Variants in ATG4D observed in about 807,000 individuals in gnomAD.
The protein encoded by ATG4D is cysteine protease ATG4D.
In ATG4D, 51 loss-of-function variants were observed where a neutral mutation model predicts 55.2. The ratio of observed to expected loss-of-function variants is 0.92; its 90% CI spans 0.74 to 1.17. The LOEUF (loss-of-function observed/expected upper bound fraction) is 1.17. Ranked by LOEUF, ATG4D falls within the 50% of genes most tolerant of loss-of-function variation. The probability of loss-of-function intolerance (pLI) is 0.00; values close to 1 mark genes in which losing one functional copy is unlikely to be tolerated. For synonymous variants in ATG4D, 268 were observed against 266.2 expected, an observed-to-expected ratio of 1.01 and a Z score of -0.07; for missense variants, 635 against 649.6, an observed-to-expected ratio of 0.98 and a Z score of 0.25.
chr19:10,551,727 A>C (rs577553536), intron 6 of ATG4D, among the ~76,000 whole-genome samples, 170 bp from the exon 7 acceptor site: 1 of 150,462 alleles, frequency 6.6e-6, no homozygotes, highest in Non-Finnish European at 1.5e-5. Flanking sequence ...AAATTCATGT[A>C]ATCATCTTCC....
intron 5 of ATG4D, among the ~76,000 whole-genome samples, chr19:10,548,145 C>A (rs1916108555): frequency 6.7e-6 from 1 of 148,402 alleles, no homozygotes; most frequent in Non-Finnish European, 1.5e-5. Context: ...ATTCTCCTGC[C>A]TCAGCCTCCC....
In ATG4D at chr19:10,544,877, G is replaced by T. The variant is rs759250225; in HGVS notation, c.319+11G>T. The T allele has an allele frequency of 1.9e-6, 3 of 1,605,976 alleles. No homozygotes were observed. The highest frequency in any genetic ancestry group is 2.6e-6 in the Non-Finnish European group (3 of 1,175,404). ...GTTTCGAGGGCGAGGGTGAGCTGGT[G>T]GTTGGGACCAGGGCTGGGGGAGGCC... is the stretch of plus-strand genomic sequence containing the variant. On this transcript the variant is annotated intron_variant, in intron 2 of 9. Transcript: ENST00000309469.
rs780575515 is a variant in ATG4D at position 10,553,097 on chromosome 19, CTATT to C, written c.*36_*39del. 5.8e-5 allele frequency: 91 copies of C among 1,560,990 alleles called. No individual in the cohort carries two copies. In the Middle Eastern group the frequency reaches 1.2e-3, roughly 20 times the overall value. ...AGGGGATGAGGGGAAAGATACAACA[CTATT>C]TATTTTTTTATTTATGTCATGTCGG... is the stretch of plus-strand genomic sequence containing the variant. On this transcript the variant is annotated 3_prime_UTR_variant, in exon 10 of 10. Coordinates refer to ENST00000309469, the MANE Select transcript of ATG4D (RefSeq NM_032885.6).
Position 10,551,993 on chromosome 19 carries a change from T to G in ATG4D, c.1045+18T>G. The G allele has an allele frequency of 1.2e-5, 13 of 1,116,196 alleles. No individual in the cohort carries two copies. Among genetic ancestry groups the G allele is most frequent in the South Asian group, 3.2e-5 (2 of 63,214 alleles). 69.1% of individuals were successfully genotyped at this position (1,116,196 alleles called of 1,614,324 possible). Reference sequence around the variant, plus strand: ...CTACCAAGGTAGGCCCACCCCCTCCTCACTCCTCCCACCCCCCACCGCACC... The same window carrying G: ...CTACCAAGGTAGGCCCACCCCCTCCGCACTCCTCCCACCCCCCACCGCACC... On this transcript the variant is annotated intron_variant, in intron 7 of 9. Coordinates refer to ENST00000309469, the MANE Select transcript of ATG4D (RefSeq NM_032885.6).
At position 10,553,199 on chromosome 19, in the gene ATG4D, G is replaced by C. The variant is rs1916359568; in HGVS notation, c.*132G>C. On this transcript the variant is annotated 3_prime_UTR_variant, in exon 10 of 10. Transcript: ENST00000309469. ...AGCCCCTCAAGCCCAGCTGCAACCA[G>C]TCTGGGGCCATTCAGCCAGGGACAG... 12 of 1,154,488 alleles carry C rather than the reference G, an allele frequency of 1.0e-5. No individual in the cohort carries two copies. Among genetic ancestry groups the C allele is most frequent in the Non-Finnish European group, 1.4e-5 (12 of 841,048 alleles). 71.5% of individuals were successfully genotyped at this position (1,154,488 alleles called of 1,614,324 possible). A position where few individuals can be genotyped will look rare whatever the true frequency, so the allele number is the denominator to read the frequency against.
chr19:10,551,848 G>T, intron 6 of ATG4D, 49 bp from the exon 7 acceptor site: 1 of 1,591,094 alleles, frequency 6.3e-7, no homozygotes, highest in Non-Finnish European at 8.6e-7. Flanking sequence ...TTTGCCAAGC[G>T]TTTGTTGAGT....
Position 10,547,626 on chromosome 19 carries a change from GAAAA to G in ATG4D, c.835+392_835+395del, listed in dbSNP as rs778363094. On this transcript the variant is annotated intron_variant, in intron 5 of 9. Coordinates refer to ENST00000309469, the MANE Select transcript of ATG4D (RefSeq NM_032885.6). ...CTGGGCGACAGAGTAGGATCCTGTC[GAAAA>G]AAAAAAAAAAAAAAAAAAGAGGCCA... Among the ~76,000 whole-genome samples the G allele has an allele frequency of 1.8e-3, 89 of 49,260 alleles. 4 individuals are homozygous for G. In the East Asian group the frequency reaches 0.062, roughly 35 times the overall value. 32.3% of individuals were successfully genotyped at this position (49,260 alleles called of 152,430 possible). A position where few individuals can be genotyped will look rare whatever the true frequency, so the allele number is the denominator to read the frequency against.
intron 9 of ATG4D, 115 bp downstream of exon 9, chr19:10,552,439 G>A (rs1916299107): frequency 1.5e-6 from 2 of 1,343,028 alleles, no homozygotes; most frequent in African/African-American, 2.9e-5. Context: ...CCAGGCTAGG[G>A]GTCCTAACCT....
At chr19:10,549,383 A>G (rs1457658623) in intron 6 of ATG4D, among the ~76,000 whole-genome samples, 3 of 151,914 alleles carry the variant, frequency 2.0e-5, no homozygotes, top group Non-Finnish European at 4.4e-5. Flanking sequence ...TCGGCCTCCC[A>G]AAGTGCTGGG....
rs961482005 is a variant in ATG4D, at chr19:10,544,035, G to T, written c.-56G>T. On this transcript the variant is annotated 5_prime_UTR_variant, in exon 1 of 10. Coordinates refer to ENST00000309469, the MANE Select transcript of ATG4D (RefSeq NM_032885.6). Reference sequence around the variant, plus strand: ...TGAACCGGCTGCGGGTCGCCCTTGGGGGGCAGCGGCCGCAGCCCCCCACCT... The same window carrying T: ...TGAACCGGCTGCGGGTCGCCCTTGGTGGGCAGCGGCCGCAGCCCCCCACCT... 1.6e-5 allele frequency: 19 copies of T among 1,181,244 alleles called. No homozygotes were observed. Among genetic ancestry groups the T allele is most frequent in the Non-Finnish European group, 2.0e-5 (19 of 943,252 alleles). 73.2% of individuals were successfully genotyped at this position (1,181,244 alleles called of 1,614,324 possible). A position where few individuals can be genotyped will look rare whatever the true frequency, so the allele number is the denominator to read the frequency against.
At position 10,550,156 on chromosome 19, in the gene ATG4D, T is replaced by C. The variant is rs148550644; in HGVS notation, c.966+1122T>C. ...CCAAGTAGCTGGGATTACAGGTGTA[T>C]GCCACCACGCCCGGCTAATTTTTGT... On this transcript the variant is annotated intron_variant, in intron 6 of 9. Transcript: ENST00000309469. 8.0e-4 allele frequency among the ~76,000 whole-genome samples: 121 copies of C among 151,426 alleles called. 3 individuals are homozygous for C. In the East Asian group the frequency reaches 0.021, roughly 26 times the overall value.
At position 10,546,872 on chromosome 19, in the gene ATG4D, C is replaced by T. The variant is rs776817919; in HGVS notation, c.527C>T (p.Pro176Leu). Residue 176 changes from proline (P) to leucine (L), a missense_variant, in exon 4 of 10, where the codon CCC (proline) becomes CTC (leucine). Coordinates refer to ENST00000309469, the MANE Select transcript of ATG4D (RefSeq NM_032885.6). Reference sequence around the variant, plus strand: ...TGGGCCGAGGGCATGGGCCTGGGCCCCCCTGAGCTGTCAGGGTCAGCCTCT... The same window carrying T: ...TGGGCCGAGGGCATGGGCCTGGGCCTCCCTGAGCTGTCAGGGTCAGCCTCT... ...WTWAEGMGLG[P>L]PELSGSASPS... 2 of 1,605,710 alleles carry T rather than the reference C, an allele frequency of 1.2e-6. No homozygotes were observed. The highest frequency in any genetic ancestry group is 1.7e-5 in the Admixed American group (1 of 59,688).
chr19:10,552,637 C>T (rs1321427201), intron 9 of ATG4D, among the ~76,000 whole-genome samples: 2 of 152,186 alleles, frequency 1.3e-5, no homozygotes, highest in Non-Finnish European at 2.9e-5. Context: ...CCATTCTGGG[C>T]ACCCACCCTG....
intron 3 of ATG4D, 81 bp from the exon 4 acceptor site, chr19:10,546,758 C>T: frequency 7.1e-7 from 1 of 1,414,492 alleles, no homozygotes; most frequent in Non-Finnish European, 9.6e-7. Flanking sequence ...GGAGCATTCG[C>T]ATTGTGTGCG....
chr19:10,546,798 C>G (rs764336537), intron 3 of ATG4D, 41 bp from the exon 4 acceptor site: 6 of 1,517,518 alleles, frequency 4.0e-6, no homozygotes, highest in Admixed American at 2.1e-5. Flanking sequence ...CTCTGCCCCC[C>G]ACACACTAGC....
chr19:10,552,861 A>AC (rs1418132312), intron 9 of ATG4D, 24 bp from the exon 10 acceptor site: 1 of 1,592,312 alleles, frequency 6.3e-7, no homozygotes, highest in East Asian at 2.2e-5. Flanking sequence ...TTTGTGGCTG[A>AC]CCCTGTCTCC....
At chr19:10,545,526 C>T (rs544188457) in intron 3 of ATG4D, among the ~76,000 whole-genome samples, 1 of 151,456 alleles carries the variant, frequency 6.6e-6, no homozygotes, top group South Asian at 2.1e-4. Flanking sequence ...AAGCCAAGAT[C>T]GCACCACTGC....
intron 5 of ATG4D, 136 bp from the exon 6 acceptor site, chr19:10,548,768 T>TGATG: frequency 7.7e-7 from 1 of 1,300,838 alleles, no homozygotes; most frequent in Non-Finnish European, 1.1e-6. Context: ...GGCACTAGAA[T>TGATG]GATGATTTTG....
intron 5 of ATG4D, 119 bp from the exon 6 acceptor site, chr19:10,548,785 G>T: frequency 7.0e-7 from 1 of 1,424,828 alleles, no homozygotes. Context: ...TTTGGTTAGT[G>T]ATGACAGTGT....
Sources: gnomAD v4.1 joint callset for allele counts (sites outside exome capture counted in the v4.1 genomes callset) on GRCh38, gnomAD v4.1.1 for gene constraint, MANE v1.5 for transcripts, NCBI Gene and HGNC (gene_info 2026-07-23, HGNC 2026-07-21) for gene names.